The following MAST1 variants were observed in gnomAD, a reference collection of about 807,000 sequenced individuals.
MAST1 encodes microtubule-associated serine/threonine-protein kinase 1.
In MAST1, 40 loss-of-function variants were observed where a neutral mutation model predicts 124.6. The ratio of observed to expected loss-of-function variants is 0.32; its 90% CI spans 0.25 to 0.42. MAST1 has a LOEUF of 0.42. Ranked by LOEUF, MAST1 falls within the 10% of genes least tolerant of loss-of-function variation. MAST1 has a pLI of 1.00. For missense variants in MAST1, 1,558 were observed against 2,181.9 expected (o/e 0.71, Z 5.70); for synonymous variants, 938 against 939.4 (o/e 1.00, Z 0.03).
In MAST1 at chr19:12,869,202, C is replaced by T; in HGVS notation, c.2910C>T (p.Ile970=). 3.7e-6 allele frequency: 6 copies of T among 1,614,216 alleles called. No individual in the cohort carries two copies. The highest frequency in any genetic ancestry group is 5.1e-6 in the Non-Finnish European group (6 of 1,180,042). ...GTGGGCTCCGCTCCCCCATCACCATCCAGCGCTCGGGCAAGAAGTATGGCT... is the reference window on the plus strand; with the variant it reads ...GTGGGCTCCGCTCCCCCATCACCATTCAGCGCTCGGGCAAGAAGTATGGCT... ...AVSGLRSPIT[I]QRSGKKYGFT... is the part of the protein sequence containing the mutation. Residue 970 remains isoleucine (I), a synonymous_variant, in exon 22 of 26, where the codon ATC becomes ATT. Coordinates refer to ENST00000251472, the MANE Select transcript of MAST1 (RefSeq NM_014975.3).
chr19:12,853,717 A>G (rs1381942061), intron 10 of MAST1, among the ~76,000 whole-genome samples: 1 of 151,774 alleles, frequency 6.6e-6, no homozygotes, highest in Non-Finnish European at 1.5e-5. Flanking sequence ...AAAATACAAA[A>G]AAATTAGTTG....
At chr19:12,873,215 G>C (rs1004399768) in intron 24 of MAST1, 109 bp from the exon 25 acceptor site, 2 of 1,052,156 alleles carry the variant, frequency 1.9e-6, no homozygotes, top group Non-Finnish European at 2.8e-6. Context: ...AGCTGGAGAG[G>C]GAAGGGCCAG....
Position 12,866,872 on chromosome 19 carries a change from A to G in MAST1, c.2139+110A>G. ...CCCAAGGTCTCAGGAGCGGGAAGTT[A>G]TTGATGGGGCGGGAGTCTGGAAGGT... On this transcript the variant is annotated intron_variant, in intron 18 of 25. Coordinates refer to ENST00000251472, the MANE Select transcript of MAST1 (RefSeq NM_014975.3). The surrounding 1 kb of genome is among the most constrained non-coding windows in gnomAD (Gnocchi z 5.2). The G allele has an allele frequency of 2.2e-6, 2 of 900,338 alleles. No homozygotes were observed. Among genetic ancestry groups the G allele is most frequent in the Middle Eastern group, 2.4e-4 (1 of 4,160 alleles). The allele number at this position is 900,338 out of a possible 1,614,324, so 55.8% of individuals were successfully genotyped here.
In MAST1 at chr19:12,874,301, C is replaced by A; in HGVS notation, c.4144C>A (p.Leu1382Met). The A allele has an allele frequency of 1.3e-6, 2 of 1,593,984 alleles. No homozygotes were observed. The highest frequency in any genetic ancestry group is 8.5e-7 in the Non-Finnish European group (1 of 1,176,334). The change falls in exon 26 of 26, where the codon CTG becomes ATG. Residue 1382 changes from leucine (L) to methionine (M), a missense_variant. By Grantham distance (15) the Leu-to-Met change is conservative. Around this residue, in one of 10 missense-constraint regions of MAST1, gnomAD observed 263 missense variants for 310.9 expected, o/e 0.85. Coordinates refer to ENST00000251472, the MANE Select transcript of MAST1 (RefSeq NM_014975.3). The surrounding 1 kb of genome is among the most constrained non-coding windows in gnomAD (Gnocchi z 6.6). ...PRATTPGGRTLERDVGCTRHQ... is the reference protein window; with the variant it reads ...PRATTPGGRTMERDVGCTRHQ... Reference sequence around the variant, plus strand: ...CGCGACGACCCCCGGTGGCCGGACCCTGGAGCGGGACGTCGGCTGCACGCG... The same window carrying A: ...CGCGACGACCCCCGGTGGCCGGACCATGGAGCGGGACGTCGGCTGCACGCG...
At position 12,841,863 on chromosome 19, in the gene MAST1, G is replaced by C. The variant is rs1177725041; in HGVS notation, c.248+797G>C. 1.3e-5 allele frequency among the ~76,000 whole-genome samples: 2 copies of C among 152,142 alleles called. No individual in the cohort carries two copies. The highest frequency in any genetic ancestry group is 1.3e-4 in the Admixed American group (2 of 15,278). On this transcript the variant is annotated intron_variant, in intron 3 of 25. Coordinates refer to ENST00000251472, the MANE Select transcript of MAST1 (RefSeq NM_014975.3). The surrounding 1 kb of genome is among the most constrained non-coding windows in gnomAD (Gnocchi z 4.3). Reference sequence around the variant, plus strand: ...GCTCCCTTGGGAAAGTGGGGGAACCGCCTATTGACCATGGAATTTAGCTGA... The same window carrying C: ...GCTCCCTTGGGAAAGTGGGGGAACCCCCTATTGACCATGGAATTTAGCTGA...
chr19:12,868,438 C>T (rs529372521), intron 20 of MAST1, among the ~76,000 whole-genome samples: 6 of 152,092 alleles, frequency 3.9e-5, no homozygotes, highest in African/African-American at 9.6e-5. Flanking sequence ...TTAGAAACAC[C>T]CCAATACCAT....
chr19:12,839,456 G>C (rs1969801152), intron 1 of MAST1, among the ~76,000 whole-genome samples: 1 of 152,134 alleles, frequency 6.6e-6, no homozygotes, highest in Non-Finnish European at 1.5e-5. Flanking sequence ...CACAACACAC[G>C]ATGTCATATC....
In MAST1 at chr19:12,841,049, GT is replaced by G; in HGVS notation, c.234del (p.Phe78LeufsTer99). On this transcript the variant is annotated frameshift_variant, in exon 3 of 26. Coordinates refer to ENST00000251472, the MANE Select transcript of MAST1 (RefSeq NM_014975.3). LOFTEE classifies it high-confidence loss of function. This position sits in a 1 kb window ranked among gnomAD's most constrained non-coding sequence, Gnocchi z 4.3. ...FSPNTPAHFS[F>X]ASSRRADGRR... is the part of the protein sequence containing the mutation. The stretch of plus-strand genomic sequence containing the variant: ...CCCCCAACACCCCCGCCCACTTCTC[GT>G]TTGCCTCCTCCCGAAGGTGAGTCCC... 1 of 1,520,978 alleles carries G rather than the reference GT, an allele frequency of 6.6e-7. No individual in the cohort carries two copies. Among genetic ancestry groups the G allele is most frequent in the Non-Finnish European group, 9.1e-7 (1 of 1,095,102 alleles). 94.2% of individuals were successfully genotyped at this position (1,520,978 alleles called of 1,614,324 possible).
At chr19:12,867,707 A>G in intron 19 of MAST1, 23 bp from the exon 20 acceptor site, 3 of 1,534,312 alleles carry the variant, frequency 2.0e-6, no homozygotes, top group African/African-American at 1.4e-5. Flanking sequence ...CGTGTCTTCC[A>G]TAACCACGCC....
Position 12,874,325 on chromosome 19 carries a change from C to T in MAST1, c.4168C>T (p.Arg1390Trp). 1 of 1,595,370 alleles carries T rather than the reference C, an allele frequency of 6.3e-7. No individual in the cohort carries two copies. Among genetic ancestry groups the T allele is most frequent in the Non-Finnish European group, 8.5e-7 (1 of 1,177,248 alleles). The stretch of plus-strand genomic sequence containing the variant: ...CCTGGAGCGGGACGTCGGCTGCACG[C>T]GGCATCAGAGCGTGCAGACGGAGGA... ...RTLERDVGCT[R>W]HQSVQTEDGT... Residue 1390 changes from arginine (R) to tryptophan (W), a missense_variant, in exon 26 of 26, where the codon CGG becomes TGG. Arg to Trp is a moderately radical substitution (Grantham distance 101). Coordinates refer to ENST00000251472, the MANE Select transcript of MAST1 (RefSeq NM_014975.3). This position sits in a 1 kb window ranked among gnomAD's most constrained non-coding sequence, Gnocchi z 6.6.
At chr19:12,857,349 T>C (rs1970027938) in intron 10 of MAST1, among the ~76,000 whole-genome samples, 1 of 151,996 alleles carries the variant, frequency 6.6e-6, no homozygotes, top group Non-Finnish European at 1.5e-5. Flanking sequence ...TCCCAGGTGA[T>C]CCGCCCGCCT....
intron 12 of MAST1, among the ~76,000 whole-genome samples, chr19:12,863,079 C>T (rs929844887): frequency 7.8e-6 from 1 of 127,866 alleles, no homozygotes; most frequent in African/African-American, 3.0e-5. Context: ...AACCCGGGGG[C>T]GGTGAGTGGG....
chr19:12,840,917 G>C (rs530588661), intron 2 of MAST1, 74 bp from the exon 3 acceptor site: 1 of 783,074 alleles, frequency 1.3e-6, no homozygotes, highest in African/African-American at 1.7e-5. Flanking sequence ...ACTAAAGACA[G>C]GACATGCTGC....
chr19:12,838,565 G>T lies in MAST1; in HGVS notation c.-8G>T, dbSNP rs1238529609. On this transcript the variant is annotated 5_prime_UTR_variant, in exon 1 of 26. Coordinates refer to ENST00000251472, the MANE Select transcript of MAST1 (RefSeq NM_014975.3). The surrounding 1 kb of genome is among the most constrained non-coding windows in gnomAD (Gnocchi z 4.3). ...CCGCACCTGCCACCATGTCGCCGCC[G>T]CCGGGTCATGTCTGACTCTCTCTGG... 3 of 1,514,676 alleles carry T rather than the reference G, an allele frequency of 2.0e-6. No individual in the cohort carries two copies. The highest frequency in any genetic ancestry group is 2.0e-5 in the Admixed American group (1 of 50,124). 93.8% of individuals were successfully genotyped at this position (1,514,676 alleles called of 1,614,324 possible). A position where few individuals can be genotyped will look rare whatever the true frequency, so the allele number is the denominator to read the frequency against.
At position 12,868,723 on chromosome 19, in the gene MAST1, G is replaced by A. The variant is rs1177833039; in HGVS notation, c.2647G>A (p.Val883Ile). ...AGGCCCAAGGGCTACCAATGACTTG[G>A]TTCTGCGCCGGGCGCGGCACCAGCA... is the stretch of plus-strand genomic sequence containing the variant. ...ASGPRATNDL[V>I]LRRARHQQMS... The change falls in exon 21 of 26, where the codon GTT becomes ATT. Residue 883 changes from valine to isoleucine, a missense_variant. Val to Ile is a conservative substitution (Grantham distance 29, BLOSUM62 3). Transcript: ENST00000251472. 1 of 1,613,306 alleles carries A rather than the reference G, an allele frequency of 6.2e-7. No homozygotes were observed. The highest frequency in any genetic ancestry group is 1.7e-5 in the Admixed American group (1 of 59,920).
At chr19:12,861,952 C>T (rs1315216644) in intron 12 of MAST1, among the ~76,000 whole-genome samples, 3 of 150,324 alleles carry the variant, frequency 2.0e-5, no homozygotes, top group Non-Finnish European at 3.0e-5. Context: ...CTGTCTGCCT[C>T]GGCCTCCCAA....
At chr19:12,867,161 T>A (rs1425411536) in intron 18 of MAST1, among the ~76,000 whole-genome samples, 1 of 152,166 alleles carries the variant, frequency 6.6e-6, no homozygotes, top group African/African-American at 2.4e-5. Flanking sequence ...GAGAAGCAAC[T>A]TGTAGAGGCG....
chr19:12,856,602 G>C (rs141990926), intron 10 of MAST1, among the ~76,000 whole-genome samples: 154 of 152,256 alleles, frequency 1.0e-3, no homozygotes, highest in African/African-American at 3.6e-3. Flanking sequence ...ACCACACCTG[G>C]CCTTTGCCAC....
In MAST1 at chr19:12,853,731, G is replaced by A. The variant is rs1042327181; in HGVS notation, c.1077+1336G>A. Among the ~76,000 whole-genome samples, 11 of 151,806 alleles carry A rather than the reference G, an allele frequency of 7.2e-5. 1 individual carries two copies. The highest frequency in any genetic ancestry group is 4.2e-4 in the South Asian group (2 of 4,790). On this transcript the variant is annotated intron_variant, in intron 10 of 25. Transcript: ENST00000251472. Reference sequence around the variant, plus strand: ...AAAAATACAAAAAAATTAGTTGGGCGTGGTGGCACATGCCTGTAATCCCAG... The same window carrying A: ...AAAAATACAAAAAAATTAGTTGGGCATGGTGGCACATGCCTGTAATCCCAG...
Sources: allele counts gnomAD v4.1 joint callset (sites outside exome capture counted in the v4.1 genomes callset), GRCh38; gene constraint gnomAD v4.1.1; regional missense constraint gnomAD v4.1.1; non-coding constraint Gnocchi (gnomAD v3.1); transcripts MANE v1.5; gene names NCBI Gene and HGNC (gene_info 2026-07-23, HGNC 2026-07-21).